The following SND1 variants were observed in gnomAD, a reference collection of about 807,000 sequenced individuals.
SND1 encodes the protein staphylococcal nuclease domain-containing protein 1.
Under a neutral mutation model 121.7 loss-of-function variants are expected in SND1, and 38 were observed. The observed-to-expected ratio is 0.31, with a 90% confidence interval of 0.24 to 0.41. The LOEUF is 0.41. SND1 is among the 10% of genes least tolerant of loss of function. SND1 has a pLI of 1.00. For missense variants in SND1, 868 were observed against 1,184.6 expected (o/e 0.73, Z 3.92); for synonymous variants, 401 against 447.4 (o/e 0.90, Z 1.31).
At chr7:127,678,497 G>A (rs1045253025) in intron 1 of SND1, among the ~76,000 whole-genome samples, 1 of 152,056 alleles carries the variant, frequency 6.6e-6, no homozygotes, top group Non-Finnish European at 1.5e-5. Flanking sequence ...CTGGGCTTCC[G>A]GTTCATTGGG....
chr7:127,909,219 T>G (rs1366209115), intron 14 of SND1, among the ~76,000 whole-genome samples: 2 of 152,316 alleles, frequency 1.3e-5, no homozygotes, highest in Non-Finnish European at 2.9e-5. Context: ...TGTCTTCTTT[T>G]GAATATATTC....
intron 16 of SND1, among the ~76,000 whole-genome samples, chr7:128,014,523 C>A (rs1803184334): frequency 6.6e-6 from 1 of 152,200 alleles, no homozygotes; most frequent in Non-Finnish European, 1.5e-5. Flanking sequence ...CACTGCTGGC[C>A]TCCCTTTCCC....
intron 14 of SND1, among the ~76,000 whole-genome samples, chr7:127,924,067 C>T (rs1800781705): frequency 6.6e-6 from 1 of 151,936 alleles, no homozygotes; most frequent in Non-Finnish European, 1.5e-5. Context: ...ACCCAGACAG[C>T]ACTGTGCCCT....
chr7:127,797,869 C>T (rs2116556715), intron 10 of SND1, among the ~76,000 whole-genome samples: 1 of 152,282 alleles, frequency 6.6e-6, no homozygotes, highest in African/African-American at 2.4e-5. Context: ...TATTTAAAGT[C>T]CTGACAGGGT....
At chr7:127,893,667 T>C (rs971852257) in intron 13 of SND1, among the ~76,000 whole-genome samples, 3 of 152,136 alleles carry the variant, frequency 2.0e-5, no homozygotes, top group Non-Finnish European at 4.4e-5. Context: ...GTTAGGGTTA[T>C]CTCAGGAGAA....
At chr7:127,874,084 AG>A (rs1482088102) in intron 12 of SND1, among the ~76,000 whole-genome samples, 1 of 152,154 alleles carries the variant, frequency 6.6e-6, no homozygotes, top group African/African-American at 2.4e-5. Context: ...TCACAGGGGC[AG>A]GACACCACTG....
chr7:128,078,240 C>T (rs144506419), intron 17 of SND1, among the ~76,000 whole-genome samples: 145 of 152,366 alleles, frequency 9.5e-4, no homozygotes, highest in Non-Finnish European at 1.7e-3. Context: ...ACCAGCTTGC[C>T]CATGTGGCTG....
intron 14 of SND1, among the ~76,000 whole-genome samples, chr7:127,906,957 T>C (rs937289341): frequency 5.3e-5 from 8 of 152,214 alleles, no homozygotes; most frequent in African/African-American, 1.7e-4. Context: ...CCTTAAACTC[T>C]AGCTCAGTTT....
chr7:127,796,501 G>C (rs867633455), intron 10 of SND1, among the ~76,000 whole-genome samples: 1 of 151,882 alleles, frequency 6.6e-6, no homozygotes, highest in African/African-American at 2.4e-5. Context: ...TTTTTTTCTC[G>C]TTCATAGATC....
intron 12 of SND1, among the ~76,000 whole-genome samples, chr7:127,877,073 A>G (rs1049179308): frequency 1.3e-5 from 2 of 152,134 alleles, no homozygotes; most frequent in African/African-American, 4.8e-5. Flanking sequence ...ATGGAAATGC[A>G]GTGGTATTCA....
chr7:128,005,860 A>G (rs1048538294), intron 16 of SND1, among the ~76,000 whole-genome samples: 4 of 152,174 alleles, frequency 2.6e-5, no homozygotes, highest in African/African-American at 9.7e-5. Flanking sequence ...ATGGAGCTGC[A>G]GTCTCCCCCA....
intron 10 of SND1, among the ~76,000 whole-genome samples, chr7:127,798,409 G>C (rs2402870): frequency 0.6 from 90,635 of 151,924 alleles, 27,446 homozygotes; most frequent in East Asian, 0.87. Flanking sequence ...TGGCCAGGTT[G>C]GTTTGCTGTC....
intron 16 of SND1, among the ~76,000 whole-genome samples, chr7:128,004,744 CAT>C (rs1408606470): frequency 6.6e-6 from 1 of 152,236 alleles, no homozygotes; most frequent in Non-Finnish European, 1.5e-5. Flanking sequence ...CCCCAGCCAT[CAT>C]AACCGTGTGT....
intron 16 of SND1, chr7:128,030,798 A>AATCCTGCCAAACTC: frequency 1.1e-6 from 1 of 940,992 alleles, no homozygotes; most frequent in South Asian, 2.1e-5. Context: ...GGCCGAAAAA[A>AATCCTGCCAAACTC]ATCCTGCCAA....
chr7:127,846,335 T>C (rs1179770644), intron 12 of SND1, among the ~76,000 whole-genome samples: 3 of 152,214 alleles, frequency 2.0e-5, no homozygotes, highest in African/African-American at 7.2e-5. Flanking sequence ...CAAGTACTCT[T>C]CTAGATACTT....
At chr7:128,034,293 A>C (rs995372349) in intron 16 of SND1, among the ~76,000 whole-genome samples, 2 of 152,204 alleles carry the variant, frequency 1.3e-5, no homozygotes, top group Non-Finnish European at 2.9e-5. Flanking sequence ...AACTCTCATC[A>C]AGAAAAAGAA....
chr7:127,769,862 C>A (rs1397758652), intron 10 of SND1, among the ~76,000 whole-genome samples: 3 of 152,174 alleles, frequency 2.0e-5, no homozygotes, highest in Non-Finnish European at 1.5e-5. Flanking sequence ...GCTTAATCCT[C>A]TGTTGCTTTT....
chr7:127,659,935 A>C (rs1006163116), intron 1 of SND1, among the ~76,000 whole-genome samples: 1 of 152,068 alleles, frequency 6.6e-6, no homozygotes, highest in Non-Finnish European at 1.5e-5. Flanking sequence ...AACAAAGTTG[A>C]GAAATCTCAT....
chr7:127,766,636 G>A (rs192266325), intron 10 of SND1, among the ~76,000 whole-genome samples: 201 of 151,674 alleles, frequency 1.3e-3, no homozygotes, highest in African/African-American at 4.5e-3. Context: ...TTAGCCGGGC[G>A]TGGTGGCGGG....
Sources: gnomAD v4.1 joint callset for allele counts (sites outside exome capture counted in the v4.1 genomes callset) on GRCh38, gnomAD v4.1.1 for gene constraint, MANE v1.5 for transcripts, NCBI Gene and HGNC (gene_info 2026-07-23, HGNC 2026-07-21) for gene names.